Variants in MAP3K7 observed in about 807,000 individuals in gnomAD.
MAP3K7 encodes the protein TGF-beta activated kinase 1.
Under a neutral mutation model 84.8 loss-of-function variants are expected in MAP3K7, and 21 were observed. The ratio of observed to expected loss-of-function variants is 0.25; its 90% CI spans 0.18 to 0.36. The LOEUF (loss-of-function observed/expected upper bound fraction) is 0.36. MAP3K7 is among the 10% of genes least tolerant of loss of function. The pLI, the probability that MAP3K7 is intolerant of heterozygous loss-of-function variation, is 1.00. For synonymous variants in MAP3K7, 241 were observed against 247.7 expected, an observed-to-expected ratio of 0.97 and a Z score of 0.25; for missense variants, 503 against 747.7, an observed-to-expected ratio of 0.67 and a Z score of 3.82.
intron 1 of MAP3K7, among the ~76,000 whole-genome samples, chr6:90,577,775 AC>A (rs1195644598): frequency 1.3e-5 from 2 of 152,250 alleles, no homozygotes; most frequent in African/African-American, 4.8e-5. Context: ...TCAGGGTGCA[AC>A]CCAGAATTAT....
At chr6:90,559,789 T>A (rs894526225) in intron 5 of MAP3K7, among the ~76,000 whole-genome samples, 1 of 152,188 alleles carries the variant, frequency 6.6e-6, no homozygotes, top group Non-Finnish European at 1.5e-5. Flanking sequence ...CATTATATAC[T>A]GCAGGCACAA....
chr6:90,541,793 G>T lies in MAP3K7; in HGVS notation c.1291+2759C>A, dbSNP rs75863184. On this transcript the variant is annotated intron_variant, in intron 12 of 16. Coordinates refer to ENST00000369329, the MANE Select transcript of MAP3K7 (RefSeq NM_145331.3). Reference sequence around the variant, plus strand: ...AGCAAAAAACAAGATTACAAGATTAGGGTCTTTGCATTTCTTTACCTATGA... The same window carrying T: ...AGCAAAAAACAAGATTACAAGATTATGGTCTTTGCATTTCTTTACCTATGA... 8.3e-3 allele frequency among the ~76,000 whole-genome samples: 1,258 copies of T among 152,054 alleles called. 17 individuals are homozygous for T. The highest frequency in any genetic ancestry group is 0.029 in the African/African-American group (1,200 of 41,526).
intron 4 of MAP3K7, among the ~76,000 whole-genome samples, chr6:90,560,939 GT>G (rs1389728925): frequency 7.2e-5 from 11 of 152,082 alleles, no homozygotes; most frequent in Non-Finnish European, 1.2e-4. Flanking sequence ...TGTATTTTCT[GT>G]AATGGCTAAA....
intron 16 of MAP3K7, 72 bp from the exon 17 acceptor site, chr6:90,516,753 C>T (rs41273341): frequency 2.1e-5 from 25 of 1,208,018 alleles, no homozygotes; most frequent in Non-Finnish European, 2.9e-5. Flanking sequence ...GATGGAAGCT[C>T]AATTAATGAG....
At chr6:90,528,815 T>G (rs1775404551) in intron 13 of MAP3K7, among the ~76,000 whole-genome samples, 1 of 152,202 alleles carries the variant, frequency 6.6e-6, no homozygotes, top group Non-Finnish European at 1.5e-5. Flanking sequence ...AAAAAAATCA[T>G]AAATTAACTT....
intron 3 of MAP3K7, among the ~76,000 whole-genome samples, chr6:90,567,043 A>C (rs1387789966): frequency 6.6e-6 from 1 of 152,090 alleles, no homozygotes; most frequent in East Asian, 1.9e-4. Flanking sequence ...CCTTCCTTAT[A>C]CCTTATACAA....
At chr6:90,585,582 C>G (rs1460163568) in intron 1 of MAP3K7, among the ~76,000 whole-genome samples, 1 of 152,072 alleles carries the variant, frequency 6.6e-6, no homozygotes, top group African/African-American at 2.4e-5. Context: ...TTAACAAGTT[C>G]TAAAGTGTCT....
At chr6:90,571,895 C>A in intron 1 of MAP3K7, 88 bp from the exon 2 acceptor site, 4 of 554,926 alleles carry the variant, frequency 7.2e-6, no homozygotes, top group South Asian at 3.3e-5. Context: ...AAACTAAAGT[C>A]AATCTTTAAG....
At chr6:90,532,701 G>T (rs1483064573) in intron 13 of MAP3K7, among the ~76,000 whole-genome samples, 1 of 142,640 alleles carries the variant, frequency 7.0e-6, no homozygotes, top group Non-Finnish European at 1.6e-5. Context: ...TATTGTTTTA[G>T]TGAAACACAG....
chr6:90,569,915 T>C (rs1221720640), intron 2 of MAP3K7, among the ~76,000 whole-genome samples: 5 of 152,220 alleles, frequency 3.3e-5, no homozygotes, highest in African/African-American at 7.2e-5. Flanking sequence ...CTGGCTCATA[T>C]TCAGTACACT....
chr6:90,531,366 C>T (rs1009420542), intron 13 of MAP3K7, among the ~76,000 whole-genome samples: 1 of 152,214 alleles, frequency 6.6e-6, no homozygotes, highest in Non-Finnish European at 1.5e-5. Flanking sequence ...TAAAATTATA[C>T]AAGCACAAAA....
In MAP3K7 at chr6:90,548,128, AGT is replaced by A; in HGVS notation, c.997_998del (p.Thr333Ter). ...ASTNTSNKSD[T>X]NMEQVPATND... is the part of the protein sequence containing the mutation. ...TTGTGGCAGGAACTTGCTCCATATTAGTGTCACTTTTGTTACTCGTATTTGTA... is the reference window on the plus strand; with the variant it reads ...TTGTGGCAGGAACTTGCTCCATATTAGTCACTTTTGTTACTCGTATTTGTA... On this transcript the variant is annotated frameshift_variant, in exon 10 of 17. Transcript: ENST00000369329. LOFTEE classifies it high-confidence loss of function. The A allele has an allele frequency of 1.2e-6, 2 of 1,612,344 alleles. No individual in the cohort carries two copies. The highest frequency in any genetic ancestry group is 1.7e-6 in the Non-Finnish European group (2 of 1,179,032).
chr6:90,532,818 T>A (rs12174622), intron 13 of MAP3K7, among the ~76,000 whole-genome samples: 4,113 of 152,318 alleles, frequency 0.027, 68 homozygotes, highest in South Asian at 0.044. Context: ...CTACAATTCA[T>A]CATCACTTAA....
chr6:90,585,920 T>C (rs1777431674), intron 1 of MAP3K7, among the ~76,000 whole-genome samples: 1 of 152,186 alleles, frequency 6.6e-6, no homozygotes, highest in Non-Finnish European at 1.5e-5. Flanking sequence ...ATTACGAGTA[T>C]TGCTGTGCGG....
At chr6:90,541,173 T>C (rs1051389921) in intron 12 of MAP3K7, among the ~76,000 whole-genome samples, 9 of 152,092 alleles carry the variant, frequency 5.9e-5, no homozygotes, top group Non-Finnish European at 1.0e-4. Flanking sequence ...TCTTCAAATA[T>C]AAATGTAACA....
intron 6 of MAP3K7, among the ~76,000 whole-genome samples, chr6:90,554,547 T>C (rs1460666834): frequency 2.6e-5 from 4 of 152,198 alleles, no homozygotes; most frequent in African/African-American, 7.2e-5. Flanking sequence ...CAGTACACTG[T>C]AATATAGCAC....
At chr6:90,575,326 T>G (rs895423172) in intron 1 of MAP3K7, among the ~76,000 whole-genome samples, 2 of 152,156 alleles carry the variant, frequency 1.3e-5, no homozygotes, top group African/African-American at 4.8e-5. Flanking sequence ...TGAAGGCTAA[T>G]AAACTCCTCC....
rs55646325 is a variant in MAP3K7 at position 90,518,470 on chromosome 6, T to C, written c.1617A>G (p.Glu539=). Residue 539 remains glutamate, a synonymous_variant, in exon 16 of 17, where the codon GAA becomes GAG. Coordinates refer to ENST00000369329, the MANE Select transcript of MAP3K7 (RefSeq NM_145331.3). ...MAQEYMKVQT[E]IALLLQRKQE... ...ACTTTCTCTGTAATAACAATGCAAT[T>C]TCTGTTTGAACTTTCATATATTCTT... The C allele has an allele frequency of 2.0e-5, 31 of 1,586,184 alleles. No homozygotes were observed. The highest frequency in any genetic ancestry group is 2.7e-5 in the Non-Finnish European group (31 of 1,157,692).
intron 14 of MAP3K7, among the ~76,000 whole-genome samples, chr6:90,521,249 GTT>G (rs1406169870): frequency 4.3e-5 from 5 of 115,802 alleles, no homozygotes; most frequent in Admixed American, 3.7e-4. Flanking sequence ...TTTAATGAAA[GTT>G]TTTTGCGTGT....
Sources: allele counts gnomAD v4.1 joint callset (sites outside exome capture counted in the v4.1 genomes callset), GRCh38; gene constraint gnomAD v4.1.1; transcripts MANE v1.5; gene names NCBI Gene and HGNC (gene_info 2026-07-23, HGNC 2026-07-21).